USP24: variants seen among roughly 807,000 people sequenced by gnomAD.
USP24 encodes ubiquitin carboxyl-terminal hydrolase 24.
Under a neutral mutation model 361.6 loss-of-function variants are expected in USP24, and 97 were observed. That is an observed-to-expected ratio of 0.27 (90% CI 0.23 to 0.32). The LOEUF is 0.32. Among genes scored for constraint, USP24 ranks in the 10% least tolerant of loss-of-function variants. The probability of loss-of-function intolerance (pLI) is 1.00; values close to 1 mark genes in which losing one functional copy is unlikely to be tolerated. For synonymous variants in USP24, 1,098 were observed against 1,124.6 expected, an observed-to-expected ratio of 0.98 and a Z score of 0.47; for missense variants, 2,353 against 3,165.6, an observed-to-expected ratio of 0.74 and a Z score of 6.16.
At chr1:55,164,619 T>G in intron 7 of USP24, among the ~76,000 whole-genome samples, 1 of 152,032 alleles carries the variant, frequency 6.6e-6, no homozygotes, top group East Asian at 1.9e-4. Flanking sequence ...AACAATATAA[T>G]TCTGTGTCAA....
At chr1:55,174,364 T>C (rs924449693) in intron 3 of USP24, among the ~76,000 whole-genome samples, 1 of 152,212 alleles carries the variant, frequency 6.6e-6, no homozygotes, top group Non-Finnish European at 1.5e-5. Context: ...ACTCTAGCTC[T>C]TCTGATTTAA....
At chr1:55,195,968 A>G (rs1186206485) in intron 1 of USP24, among the ~76,000 whole-genome samples, 3 of 152,202 alleles carry the variant, frequency 2.0e-5, no homozygotes, top group Non-Finnish European at 2.9e-5. Context: ...AGTTAAGAAA[A>G]AAGGGGGGAC....
At chr1:55,171,531 A>G in intron 5 of USP24, 25 bp downstream of exon 5, 4 of 1,588,242 alleles carry the variant, frequency 2.5e-6, no homozygotes, top group African/African-American at 2.7e-5. Context: ...TTTTCTATAA[A>G]AAGATGAAAC....
chr1:55,172,153 A>T (rs1649518668), intron 4 of USP24, among the ~76,000 whole-genome samples: 1 of 152,206 alleles, frequency 6.6e-6, no homozygotes, highest in Non-Finnish European at 1.5e-5. Context: ...AAAGGCATTT[A>T]ATCATTCCGT....
intron 35 of USP24, 110 bp downstream of exon 35, chr1:55,124,359 A>T: frequency 7.6e-7 from 1 of 1,311,722 alleles, no homozygotes. Flanking sequence ...CATGCTCACA[A>T]GCAAGAGAAG....
chr1:55,091,210 G>GA (rs1460153503), intron 54 of USP24, among the ~76,000 whole-genome samples: 2 of 79,262 alleles, frequency 2.5e-5, no homozygotes. Context: ...GTTAGGAACA[G>GA]GGCCGCACAG....
intron 43 of USP24, 21 bp from the exon 44 acceptor site, chr1:55,100,985 T>G (rs764989022): frequency 1.2e-6 from 2 of 1,604,146 alleles, no homozygotes; most frequent in Admixed American, 1.7e-5. Flanking sequence ...AAGAAACATA[T>G]CAAGCTTGAA....
chr1:55,134,653 G>C (rs1646684247), intron 28 of USP24, among the ~76,000 whole-genome samples: 1 of 152,184 alleles, frequency 6.6e-6, no homozygotes, highest in Non-Finnish European at 1.5e-5. Flanking sequence ...TGCTAGTGAA[G>C]GGACTAAGGT....
At position 55,099,874 on chromosome 1, in the gene USP24, A is replaced by G. The variant is rs371647034; in HGVS notation, c.5272-5T>C. 138 of 1,538,570 alleles carry G rather than the reference A, an allele frequency of 9.0e-5. No homozygotes were observed. The highest frequency in any genetic ancestry group is 1.2e-4 in the Non-Finnish European group (133 of 1,140,376). ...TTTATTCCACATCTTGAAAATCTAT[A>G]TAACAAAAATTAAATGTTTTTAAAG... On this transcript the variant is annotated splice_polypyrimidine_tract_variant and splice_region_variant and intron_variant, in intron 44 of 67. Transcript: ENST00000294383.
At chr1:55,071,558 C>T in intron 67 of USP24, 1 of 1,301,976 alleles carries the variant, frequency 7.7e-7, no homozygotes, top group Non-Finnish European at 9.8e-7. Context: ...ATCGGGACTA[C>T]CTGCAGGCTG....
At chr1:55,072,033 G>T in intron 66 of USP24, 109 bp from the exon 67 acceptor site, 2 of 971,304 alleles carry the variant, frequency 2.1e-6, no homozygotes, top group Non-Finnish European at 3.2e-6. Context: ...CCGGAGGCCT[G>T]AGAGTGAGGC....
At chr1:55,206,395 T>C (rs77310352) in intron 1 of USP24, among the ~76,000 whole-genome samples, 3,749 of 152,184 alleles carry the variant, frequency 0.025, 54 homozygotes, top group Non-Finnish European at 0.037. Context: ...GAAGAACGAC[T>C]TAGTGTTAGA....
rs752522326 is a variant in USP24 at position 55,145,969 on chromosome 1, GA to G, written c.2362+28del. On this transcript the variant is annotated intron_variant, in intron 20 of 67. Coordinates refer to ENST00000294383, the MANE Select transcript of USP24 (RefSeq NM_015306.3). ...ATAACACTTCTTACTTAAAAGTACT[GA>G]AAAAAATGATTTTAAGTTTTTTCCT... 29 of 1,494,240 alleles carry G rather than the reference GA, an allele frequency of 1.9e-5. No homozygotes were observed. In the South Asian group the frequency reaches 3.0e-4, roughly 15 times the overall value. 92.6% of individuals were successfully genotyped at this position (1,494,240 alleles called of 1,614,324 possible).
intron 62 of USP24, among the ~76,000 whole-genome samples, chr1:55,075,897 A>T (rs1470211089): frequency 6.6e-6 from 1 of 152,166 alleles, no homozygotes; most frequent in East Asian, 1.9e-4. Flanking sequence ...TGTGCCTAGG[A>T]CTTTGAGGCT....
chr1:55,162,478 A>T lies in USP24; in HGVS notation c.928-214T>A, dbSNP rs554119084. ...TATTATAGAAATTTAATGTAATTTA[A>T]ATCAGAATATGTCAATAAAACATCT... On this transcript the variant is annotated intron_variant, in intron 7 of 67. Transcript: ENST00000294383. Among the ~76,000 whole-genome samples the T allele has an allele frequency of 7.9e-5, 12 of 152,304 alleles. No homozygotes were observed. The East Asian group carries it at 2.3e-3, about 29-fold the overall frequency.
Position 55,162,274 on chromosome 1 carries a change from G to C in USP24, c.928-10C>G. 3.2e-6 allele frequency: 5 copies of C among 1,546,144 alleles called. No individual in the cohort carries two copies. The highest frequency in any genetic ancestry group is 4.3e-6 in the Non-Finnish European group (5 of 1,151,024). On this transcript the variant is annotated splice_polypyrimidine_tract_variant and intron_variant, in intron 7 of 67. Coordinates refer to ENST00000294383, the MANE Select transcript of USP24 (RefSeq NM_015306.3). The stretch of plus-strand genomic sequence containing the variant: ...TCAGTGCTGAGACAGCCTGGAAAAA[G>C]ACAGTGAAGATTAAAAATACATTTG...
At chr1:55,072,923 T>C (rs1644950583) in intron 64 of USP24, 62 bp from the exon 65 acceptor site, 1 of 1,463,160 alleles carries the variant, frequency 6.8e-7, no homozygotes, top group Non-Finnish European at 9.3e-7. Flanking sequence ...AGTGCTTCAT[T>C]TTGAAACGTA....
intron 36 of USP24, among the ~76,000 whole-genome samples, chr1:55,123,184 C>G (rs945589878): frequency 6.6e-6 from 1 of 152,160 alleles, no homozygotes; most frequent in Admixed American, 6.5e-5. Context: ...TCTTTGAATT[C>G]CTCAACTAGA....
intron 48 of USP24, 29 bp downstream of exon 48, chr1:55,097,569 T>A (rs1361879163): frequency 6.6e-7 from 1 of 1,525,256 alleles, no homozygotes; most frequent in African/African-American, 1.4e-5. Context: ...TGAATGGTTG[T>A]GAAAAATTTC....
Sources: allele counts gnomAD v4.1 joint callset (sites outside exome capture counted in the v4.1 genomes callset), GRCh38; gene constraint gnomAD v4.1.1; transcripts MANE v1.5; gene names NCBI Gene and HGNC (gene_info 2026-07-23, HGNC 2026-07-21).